The following CHIC2 variants were observed in gnomAD, a reference collection of about 807,000 sequenced individuals.
The protein encoded by CHIC2 is cysteine-rich hydrophobic domain-containing protein 2.
Under a neutral mutation model 25.9 loss-of-function variants are expected in CHIC2, and 14 were observed. The ratio of observed to expected loss-of-function variants is 0.54; its 90% CI spans 0.36 to 0.85. The LOEUF is 0.85. Ranked by LOEUF, CHIC2 falls within the 40% of genes least tolerant of loss-of-function variation. The probability of loss-of-function intolerance (pLI) is 0.01; values close to 1 mark genes in which losing one functional copy is unlikely to be tolerated. For synonymous variants in CHIC2, 70 were observed against 72.0 expected (o/e 0.97, Z 0.14); for missense variants, 146 against 202.0 (o/e 0.72, Z 1.68).
chr4:54,087,239 C>T, the CHIC2 span: 6 of 616,180 alleles, frequency 9.7e-6, no homozygotes, highest in East Asian at 5.6e-5. Flanking sequence ...CTGGGCAGAC[C>T]TCACTGTTGA....
intron 3 of CHIC2, among the ~76,000 whole-genome samples, chr4:54,020,276 T>C (rs1395858794): frequency 6.6e-6 from 1 of 151,940 alleles, no homozygotes; most frequent in African/African-American, 2.4e-5. Flanking sequence ...CTTAAGAAGG[T>C]TCTTTGTATT....
At chr4:54,042,963 T>C (rs968151193) in intron 3 of CHIC2, among the ~76,000 whole-genome samples, 6 of 152,206 alleles carry the variant, frequency 3.9e-5, no homozygotes, top group Non-Finnish European at 8.8e-5. Flanking sequence ...CCTACTCTTA[T>C]TGGTTGTCAA....
chr4:54,066,199 C>T (rs987111828), upstream of CHIC2, among the ~76,000 whole-genome samples: 2 of 152,168 alleles, frequency 1.3e-5, no homozygotes, highest in African/African-American at 4.8e-5. Flanking sequence ...GTCAGCTCTG[C>T]CACTTACTGT....
chr4:54,058,568 A>T (rs1215123117), intron 1 of CHIC2, among the ~76,000 whole-genome samples: 2 of 150,598 alleles, frequency 1.3e-5, no homozygotes, highest in African/African-American at 4.9e-5. Flanking sequence ...ATACACACAC[A>T]CACACACACA....
upstream of CHIC2, among the ~76,000 whole-genome samples, chr4:54,067,927 C>G (rs561215901): frequency 9.3e-5 from 14 of 151,144 alleles, no homozygotes; most frequent in East Asian, 6.0e-4. Flanking sequence ...TGTCCCCCCC[C>G]CCAAATTCAT....
intron 1 of CHIC2, among the ~76,000 whole-genome samples, chr4:54,058,720 A>G (rs1331593879): frequency 6.6e-6 from 1 of 152,180 alleles, no homozygotes; most frequent in East Asian, 1.9e-4. Context: ...TAAGCCAGAC[A>G]CAGCTATTAG....
At chr4:54,033,643 T>G (rs186288862) in intron 3 of CHIC2, among the ~76,000 whole-genome samples, 4 of 152,300 alleles carry the variant, frequency 2.6e-5, no homozygotes, top group Admixed American at 6.5e-5. Context: ...CTTCTAGAGT[T>G]TTATAGGTTT....
intron 3 of CHIC2, among the ~76,000 whole-genome samples, chr4:54,030,876 GA>G (rs1379758234): frequency 6.7e-6 from 1 of 149,252 alleles, no homozygotes; most frequent in Non-Finnish European, 1.5e-5. Context: ...TTAACATTGA[GA>G]ATTTTTTTTT....
upstream of CHIC2, among the ~76,000 whole-genome samples, chr4:54,067,550 CTCT>C (rs1486955063): frequency 6.6e-6 from 1 of 152,094 alleles, no homozygotes; most frequent in Non-Finnish European, 1.5e-5. Flanking sequence ...TTCCAGGATC[CTCT>C]CCCTCTGTGT....
At chr4:54,019,765 A>G (rs1715842435) in intron 3 of CHIC2, among the ~76,000 whole-genome samples, 1 of 152,072 alleles carries the variant, frequency 6.6e-6, no homozygotes. Flanking sequence ...CCACTAAGCA[A>G]TCATCCCACT....
chr4:54,068,982 T>TATTTC (rs1017083323), upstream of CHIC2, among the ~76,000 whole-genome samples: 3 of 152,262 alleles, frequency 2.0e-5, no homozygotes, highest in African/African-American at 2.4e-5. Context: ...TTAAGAAGGA[T>TATTTC]ATTTCATTTC....
At chr4:54,049,146 T>A in intron 2 of CHIC2, 36 bp from the exon 3 acceptor site, 1 of 1,577,268 alleles carries the variant, frequency 6.3e-7, no homozygotes, top group South Asian at 1.2e-5. Flanking sequence ...AACAATGCAA[T>A]ATTAATGTCA....
intron 3 of CHIC2, among the ~76,000 whole-genome samples, chr4:54,027,858 G>A (rs1716108411): frequency 1.3e-5 from 2 of 152,152 alleles, no homozygotes; most frequent in Non-Finnish European, 2.9e-5. Flanking sequence ...ATTTGCTAGG[G>A]AGTAGGAACC....
chr4:54,046,730 T>C (rs968060660), intron 3 of CHIC2, among the ~76,000 whole-genome samples: 7 of 152,184 alleles, frequency 4.6e-5, no homozygotes, highest in Non-Finnish European at 5.9e-5. Context: ...ATTCAGGACA[T>C]AGGCATGGGC....
intron 1 of CHIC2, among the ~76,000 whole-genome samples, chr4:54,059,432 C>T (rs1211343752): frequency 6.6e-6 from 1 of 151,994 alleles, no homozygotes; most frequent in Non-Finnish European, 1.5e-5. Flanking sequence ...GTTCTAGCTA[C>T]TTCAGAGACT....
chr4:54,045,567 G>C (rs1301931772), intron 3 of CHIC2, among the ~76,000 whole-genome samples: 4 of 152,036 alleles, frequency 2.6e-5, no homozygotes, highest in Admixed American at 6.6e-5. Context: ...TATCTCAATA[G>C]ATGCAGAAAA....
chr4:54,048,858 T>C (rs373464336), intron 3 of CHIC2, 97 bp downstream of exon 3: 7 of 983,018 alleles, frequency 7.1e-6, no homozygotes, highest in South Asian at 2.2e-5. Context: ...TTATTCAGGA[T>C]AGTGTGATTC....
intron 3 of CHIC2, among the ~76,000 whole-genome samples, chr4:54,029,176 T>C (rs1190209832): frequency 6.6e-6 from 1 of 152,136 alleles, no homozygotes; most frequent in East Asian, 1.9e-4. Flanking sequence ...TGAAAGGTTT[T>C]ATTAAGTGTA....
chr4:54,081,964 A>G, the CHIC2 span, among the ~76,000 whole-genome samples: 1 of 152,242 alleles, frequency 6.6e-6, no homozygotes. Context: ...AAAGGTGTCA[A>G]TGGGAAACCC....
Sources: gnomAD v4.1 joint callset for allele counts (sites outside exome capture counted in the v4.1 genomes callset) on GRCh38, gnomAD v4.1.1 for gene constraint, MANE v1.5 for transcripts, NCBI Gene and HGNC (gene_info 2026-07-23, HGNC 2026-07-21) for gene names.